The following SLC12A6 variants were observed in gnomAD, a reference collection of about 807,000 sequenced individuals.
SLC12A6 encodes the protein solute carrier family 12 member 6, also known as K-Cl cotransporter 3.
In SLC12A6, 66 loss-of-function variants were observed where a neutral mutation model predicts 135.3. The ratio of observed to expected loss-of-function variants is 0.49; its 90% CI spans 0.40 to 0.60. The LOEUF is 0.60. SLC12A6 is among the 20% of genes least tolerant of loss of function. The pLI is 0.00. For synonymous variants in SLC12A6, 513 were observed against 508.8 expected (o/e 1.01, Z -0.11); for missense variants, 1,058 against 1,452.3 (o/e 0.73, Z 4.41).
chr15:34,315,709 G>C (rs1888594366), intron 2 of SLC12A6, among the ~76,000 whole-genome samples: 1 of 152,136 alleles, frequency 6.6e-6, no homozygotes, highest in Non-Finnish European at 1.5e-5. Flanking sequence ...GTGACGGCCA[G>C]GCGCAGTGGC....
chr15:34,288,903 C>T (rs1044689033), intron 2 of SLC12A6, among the ~76,000 whole-genome samples: 1 of 152,166 alleles, frequency 6.6e-6, no homozygotes, highest in Admixed American at 6.6e-5. Flanking sequence ...ATGGGGTTTT[C>T]TAAATACACA....
chr15:34,309,591 T>C (rs1888005026), intron 2 of SLC12A6, among the ~76,000 whole-genome samples: 1 of 152,170 alleles, frequency 6.6e-6, no homozygotes, highest in Non-Finnish European at 1.5e-5. Flanking sequence ...GATTGTAATA[T>C]GAGAAAGAAG....
chr15:34,333,477 C>T (rs1426173604), intron 2 of SLC12A6, among the ~76,000 whole-genome samples: 19 of 152,066 alleles, frequency 1.2e-4, no homozygotes, highest in Non-Finnish European at 1.3e-4. Flanking sequence ...GGAATCCACC[C>T]GCCTCGGCCT....
rs577540901 is a variant in SLC12A6 at position 34,288,691 on chromosome 15, G to T, written c.272-13302C>A. 1.9e-3 allele frequency among the ~76,000 whole-genome samples: 296 copies of T among 152,202 alleles called. 1 individual carries two copies. The highest frequency in any genetic ancestry group is 3.4e-3 in the Non-Finnish European group (233 of 68,008). The stretch of plus-strand genomic sequence containing the variant: ...GTGGTTTGTAGTTCTCCTTGAAGAG[G>T]TCCTTCACATCCCTTGTAAGTTGGA... On this transcript the variant is annotated intron_variant, in intron 2 of 25. Transcript: ENST00000354181.
rs577780524 is a variant in SLC12A6, at chr15:34,239,101, G to A, written c.2496C>T (p.Ala832=). ...KVKGFCQLVV[A]AKLREGISHL... is the part of the protein sequence containing the mutation. Reference sequence around the variant, plus strand: ...GGGAAATGCCCTCTCTCAGCTTGGCGGCCACCACCAGCTGGCAGAATCCTT... The same window carrying A: ...GGGAAATGCCCTCTCTCAGCTTGGCAGCCACCACCAGCTGGCAGAATCCTT... The change falls in exon 20 of 26, where the codon GCC becomes GCT. Residue 832 remains alanine (A), a synonymous_variant. Transcript: ENST00000354181. The A allele has an allele frequency of 1.1e-5, 18 of 1,614,028 alleles. No homozygotes were observed. The highest frequency in any genetic ancestry group is 6.7e-5 in the African/African-American group (5 of 75,016).
At chr15:34,293,043 G>A (rs558152736) in intron 2 of SLC12A6, among the ~76,000 whole-genome samples, 1 of 152,158 alleles carries the variant, frequency 6.6e-6, no homozygotes, top group Non-Finnish European at 1.5e-5. Context: ...CAGTCCCAAT[G>A]AGATGAACCA....
At chr15:34,333,290 C>T (rs1269291628) in intron 2 of SLC12A6, among the ~76,000 whole-genome samples, 3 of 148,208 alleles carry the variant, frequency 2.0e-5, no homozygotes, top group Non-Finnish European at 4.4e-5. Flanking sequence ...AGTGCAGCGG[C>T]GTGATCTCAG....
intron 2 of SLC12A6, among the ~76,000 whole-genome samples, chr15:34,310,862 T>C (rs1888203947): frequency 6.6e-6 from 1 of 150,810 alleles, no homozygotes; most frequent in Non-Finnish European, 1.5e-5. Context: ...TCAAGTGATC[T>C]GCCCACCTTG....
chr15:34,239,409 T>G (rs1435313794), intron 19 of SLC12A6, among the ~76,000 whole-genome samples: 1 of 152,220 alleles, frequency 6.6e-6, no homozygotes, highest in Non-Finnish European at 1.5e-5. Flanking sequence ...TCCTCTGTTC[T>G]GCTTTTGTTC....
At chr15:34,245,463 C>G (rs1891916491) in intron 14 of SLC12A6, 60 bp from the exon 15 acceptor site, 1 of 1,045,054 alleles carries the variant, frequency 9.6e-7, no homozygotes, top group African/African-American at 1.6e-5. Flanking sequence ...TCTGATTTCT[C>G]TAGCCTACAG....
rs746158615 is a variant in SLC12A6 at position 34,261,074 on chromosome 15, ACAT to A, written c.317-57_317-55del. 6 of 901,652 alleles carry A rather than the reference ACAT, an allele frequency of 6.7e-6. No homozygotes were observed. The East Asian group carries it at 7.2e-5, about 11-fold the overall frequency. The allele number at this position is 901,652 out of a possible 1,614,324, so 55.9% of individuals were successfully genotyped here. Reference sequence around the variant, plus strand: ...TTTCTCACTGGTTTCTGACGAAGAAACATCAGCACCAGATAAGTGCAGGTTGCT... The same window carrying A: ...TTTCTCACTGGTTTCTGACGAAGAAACAGCACCAGATAAGTGCAGGTTGCT... On this transcript the variant is annotated intron_variant, in intron 3 of 25. Coordinates refer to ENST00000354181, the MANE Select transcript of SLC12A6 (RefSeq NM_001365088.1).
chr15:34,326,692 CTTTTT>C (rs10550362), intron 2 of SLC12A6, among the ~76,000 whole-genome samples: 8 of 135,310 alleles, frequency 5.9e-5, no homozygotes, highest in African/African-American at 5.3e-5. Flanking sequence ...CATTTTATTA[CTTTTT>C]TTTTTTTTTT....
intron 13 of SLC12A6, among the ~76,000 whole-genome samples, chr15:34,248,591 C>T (rs1595426350): frequency 7.2e-6 from 1 of 139,166 alleles, no homozygotes; most frequent in African/African-American, 2.6e-5. Context: ...CACACACACA[C>T]ATATACTGTG....
At chr15:34,234,417 G>A (rs1891118572) in intron 25 of SLC12A6, among the ~76,000 whole-genome samples, 1 of 151,784 alleles carries the variant, frequency 6.6e-6, no homozygotes, top group Non-Finnish European at 1.5e-5. Context: ...TTGTTGCCCA[G>A]GCTGGAGTGC....
chr15:34,255,411 G>A lies in SLC12A6; in HGVS notation c.746-19C>T, dbSNP rs748338759. 26 of 1,582,900 alleles carry A rather than the reference G, an allele frequency of 1.6e-5. No homozygotes were observed. In the Middle Eastern group the frequency reaches 8.3e-4, roughly 51 times the overall value. On this transcript the variant is annotated intron_variant, in intron 7 of 25. Transcript: ENST00000354181. ...CCCCCAGCTAAAAGACAAAACAGAA[G>A]GTGAATAGAAGAAAGAGTGTGTATT...
intron 4 of SLC12A6, 77 bp from the exon 5 acceptor site, chr15:34,259,021 A>C: frequency 8.0e-7 from 1 of 1,246,394 alleles, no homozygotes. Flanking sequence ...TTGCTACCAG[A>C]AAACTTCAAA....
Position 34,250,345 on chromosome 15 carries a change from A to G in SLC12A6, c.1602T>C (p.Asn534=), listed in dbSNP as rs1252788801. The change falls in exon 13 of 26, where the codon AAT becomes AAC. Residue 534 remains asparagine, a synonymous_variant. Transcript: ENST00000354181. ...ILTTSFVYLS[N]VVLFGACIEG... The stretch of plus-strand genomic sequence containing the variant: ...CAATACATGCACCAAAAAGGACAAC[A>G]TTGCTTAAATCTACCATATTGAGAG... 12 of 1,590,022 alleles carry G rather than the reference A, an allele frequency of 7.5e-6. No individual in the cohort carries two copies. Among genetic ancestry groups the G allele is most frequent in the Admixed American group, 1.7e-5 (1 of 59,978 alleles).
At chr15:34,244,160 C>A (rs1380879410) in intron 15 of SLC12A6, 88 bp from the exon 16 acceptor site, 1 of 830,814 alleles carries the variant, frequency 1.2e-6, no homozygotes. Context: ...TGTATTGAAG[C>A]CTGTTTCTAG....
chr15:34,303,485 C>G (rs889929045), intron 2 of SLC12A6, among the ~76,000 whole-genome samples: 6 of 152,060 alleles, frequency 3.9e-5, no homozygotes, highest in African/African-American at 1.4e-4. Context: ...CTTGCAGATT[C>G]ATGCAAGCTG....
Sources: allele counts gnomAD v4.1 joint callset (sites outside exome capture counted in the v4.1 genomes callset), GRCh38; gene constraint gnomAD v4.1.1; transcripts MANE v1.5; gene names NCBI Gene and HGNC (gene_info 2026-07-23, HGNC 2026-07-21).